AAK1: variants seen among roughly 807,000 people sequenced by gnomAD.
AAK1 encodes the protein AP2 associated kinase 1.
AAK1 carries 37 observed loss-of-function variants against 116.0 expected under a neutral mutation model. That is an observed-to-expected ratio of 0.32 (90% CI 0.25 to 0.42). AAK1 has a LOEUF of 0.42. AAK1 is among the 10% of genes least tolerant of loss of function. AAK1 has a pLI of 1.00. For missense variants in AAK1, 919 were observed against 1,170.6 expected, an observed-to-expected ratio of 0.79 and a Z score of 3.14; for synonymous variants, 458 against 439.9, an observed-to-expected ratio of 1.04 and a Z score of -0.51.
At chr2:69,482,905 A>G (rs1675150566) in intron 17 of AAK1, 93 bp from the exon 18 acceptor site, 1 of 730,720 alleles carries the variant, frequency 1.4e-6, no homozygotes. Context: ...AACACATTTT[A>G]GGGGTCAATA....
intron 12 of AAK1, among the ~76,000 whole-genome samples, chr2:69,515,775 CA>C (rs1385811712): frequency 6.6e-6 from 1 of 151,630 alleles, no homozygotes; most frequent in Admixed American, 6.6e-5. Flanking sequence ...TTATTAGAGT[CA>C]ATTGGGAGGA....
chr2:69,530,250 T>G, intron 7 of AAK1, 110 bp from the exon 8 acceptor site: 1 of 1,140,080 alleles, frequency 8.8e-7, no homozygotes. Context: ...ACAAAAACTA[T>G]AGACTATTAA....
chr2:69,490,119 A>G (rs1675462029), intron 17 of AAK1, among the ~76,000 whole-genome samples: 1 of 152,194 alleles, frequency 6.6e-6, no homozygotes, highest in South Asian at 2.1e-4. Flanking sequence ...CTGATGGGGC[A>G]ACGAATGTCT....
chr2:69,563,954 G>A (rs1235693803), intron 2 of AAK1, among the ~76,000 whole-genome samples: 1 of 152,102 alleles, frequency 6.6e-6, no homozygotes, highest in African/African-American at 2.4e-5. Context: ...AGCACTTTGG[G>A]AGGCCGAGGC....
Position 69,467,677 on chromosome 2 carries a change from T to C in AAK1, c.*8192A>G. On this transcript the variant is annotated 3_prime_UTR_variant, in exon 22 of 22. Coordinates refer to ENST00000409085, the MANE Select transcript of AAK1 (RefSeq NM_014911.5). ...ATGGAACTCAATGATCCCCTTCCCATACTGACCCTCTCCCCTCCTATGCAA... is the reference window on the plus strand; with the variant it reads ...ATGGAACTCAATGATCCCCTTCCCACACTGACCCTCTCCCCTCCTATGCAA... 1 of 985,414 alleles carries C rather than the reference T, an allele frequency of 1.0e-6. No homozygotes were observed. The highest frequency in any genetic ancestry group is 1.7e-5 in the African/African-American group (1 of 57,356). The allele number at this position is 985,414 out of a possible 1,614,324, so 61.0% of individuals were successfully genotyped here.
At chr2:69,617,349 G>A (rs1455179724) in intron 2 of AAK1, among the ~76,000 whole-genome samples, 1 of 152,232 alleles carries the variant, frequency 6.6e-6, no homozygotes, top group East Asian at 1.9e-4. Flanking sequence ...AGCTTGAGAG[G>A]AGAAATGGAT....
At chr2:69,568,790 CCA>C (rs1298195706) in intron 2 of AAK1, among the ~76,000 whole-genome samples, 4 of 152,184 alleles carry the variant, frequency 2.6e-5, no homozygotes, top group Non-Finnish European at 5.9e-5. Flanking sequence ...TAGCTCCCAA[CCA>C]TTAGTTACAG....
Position 69,465,446 on chromosome 2 carries a change from T to C in AAK1, c.*10423A>G, listed in dbSNP as rs1432530478. The stretch of plus-strand genomic sequence containing the variant: ...GCTCCTAGGGTTTCTTGCCTGATTT[T>C]GAAGGGAAGGGTGCTAGAGCAAATG... On this transcript the variant is annotated 3_prime_UTR_variant, in exon 22 of 22. Coordinates refer to ENST00000409085, the MANE Select transcript of AAK1 (RefSeq NM_014911.5). The C allele has an allele frequency of 1.2e-5, 16 of 1,288,970 alleles. No homozygotes were observed. The highest frequency in any genetic ancestry group is 1.5e-5 in the African/African-American group (1 of 65,782). 79.8% of individuals were successfully genotyped at this position (1,288,970 alleles called of 1,614,324 possible). A position where few individuals can be genotyped will look rare whatever the true frequency, so the allele number is the denominator to read the frequency against.
In AAK1 at chr2:69,567,965, G is replaced by C. The variant is rs952858195; in HGVS notation, c.164-10987C>G. 2.0e-5 allele frequency among the ~76,000 whole-genome samples: 3 copies of C among 152,196 alleles called. No individual in the cohort carries two copies. The South Asian group carries it at 6.2e-4, about 32-fold the overall frequency. Reference sequence around the variant, plus strand: ...AGCATCCCTTGCCTAAAGGAATGGAGAGCCTCTTGGGCATAAATTGTGCTC... The same window carrying C: ...AGCATCCCTTGCCTAAAGGAATGGACAGCCTCTTGGGCATAAATTGTGCTC... On this transcript the variant is annotated intron_variant, in intron 2 of 21. Transcript: ENST00000409085.
intron 2 of AAK1, among the ~76,000 whole-genome samples, chr2:69,557,327 G>A (rs1306664042): frequency 6.7e-6 from 1 of 149,512 alleles, no homozygotes; most frequent in Non-Finnish European, 1.5e-5. Flanking sequence ...TTTGAGACAG[G>A]GTTTCCCTCT....
At chr2:69,476,384 T>C (rs1008090412) in intron 21 of AAK1, among the ~76,000 whole-genome samples, 5 of 152,172 alleles carry the variant, frequency 3.3e-5, no homozygotes, top group African/African-American at 9.7e-5. Flanking sequence ...AATAAGAACA[T>C]GCTTTAAAAA....
chr2:69,475,351 T>C lies in AAK1; in HGVS notation c.*518A>G, dbSNP rs567084143. 2.6e-5 allele frequency: 26 copies of C among 986,922 alleles called. No homozygotes were observed. In the African/African-American group the frequency reaches 4.5e-4, roughly 17 times the overall value. The allele number at this position is 986,922 out of a possible 1,614,324, so 61.1% of individuals were successfully genotyped here. On this transcript the variant is annotated 3_prime_UTR_variant, in exon 22 of 22. Transcript: ENST00000409085. The stretch of plus-strand genomic sequence containing the variant: ...TACCCTTTCTTAAACCACACACCCA[T>C]CTCCAGGCTACTGCCTAGAGTTAAG...
chr2:69,507,891 G>C (rs189321730), intron 14 of AAK1, among the ~76,000 whole-genome samples: 1 of 152,196 alleles, frequency 6.6e-6, no homozygotes. Context: ...ATTTTTAGTA[G>C]AGACAAGGTT....
chr2:69,469,639 G>T lies in AAK1; in HGVS notation c.*6230C>A, dbSNP rs536118181. On this transcript the variant is annotated 3_prime_UTR_variant, in exon 22 of 22. Coordinates refer to ENST00000409085, the MANE Select transcript of AAK1 (RefSeq NM_014911.5). Reference sequence around the variant, plus strand: ...AAACACTGCCTGTTGTACCTCAGGGGCTAAAGCCCAGGGCCTGGCTTCATA... The same window carrying T: ...AAACACTGCCTGTTGTACCTCAGGGTCTAAAGCCCAGGGCCTGGCTTCATA... 1.1e-4 allele frequency: 112 copies of T among 985,440 alleles called. 1 individual carries two copies. The South Asian group carries it at 5.1e-3, about 45-fold the overall frequency. The allele number at this position is 985,440 out of a possible 1,614,324, so 61.0% of individuals were successfully genotyped here.
chr2:69,525,116 T>C lies in AAK1; in HGVS notation c.976-4A>G, dbSNP rs575688038. On this transcript the variant is annotated splice_region_variant and splice_polypyrimidine_tract_variant and intron_variant, in intron 9 of 21. Coordinates refer to ENST00000409085, the MANE Select transcript of AAK1 (RefSeq NM_014911.5). Reference sequence around the variant, plus strand: ...GCTTTGCAGGAATGGGAGAGTTCTATAGAATTGCAAACAAAACAGAACAAA... The same window carrying C: ...GCTTTGCAGGAATGGGAGAGTTCTACAGAATTGCAAACAAAACAGAACAAA... 4.3e-6 allele frequency: 7 copies of C among 1,613,730 alleles called. No homozygotes were observed. Among genetic ancestry groups the C allele is most frequent in the African/African-American group, 4.0e-5 (3 of 75,050 alleles).
rs781619920 is a variant in AAK1, at chr2:69,520,882, G to A, written c.1162C>T (p.Leu388=). The A allele has an allele frequency of 5.6e-6, 9 of 1,602,378 alleles. No individual in the cohort carries two copies. The highest frequency in any genetic ancestry group is 3.4e-5 in the South Asian group (3 of 89,256). ...ACAGTGGCCCTCTTCCGGGGTGTCA[G>A]CGCTGGCTGGATGGGAAGGATTCCT... ...NPGILPIQPA[L]TPRKRATVQP... is the part of the protein sequence containing the mutation. The change falls in exon 11 of 22, where the codon CTG becomes TTG. Residue 388 remains leucine (L), a synonymous_variant. Transcript: ENST00000409085.
Position 69,467,577 on chromosome 2 carries a change from G to A in AAK1, c.*8292C>T. On this transcript the variant is annotated 3_prime_UTR_variant, in exon 22 of 22. Transcript: ENST00000409085. ...GGCTCAGTAAAGAGATACTACTGGA[G>A]TTTCCCAACCCACCAGGATAAGAAT... 8.1e-6 allele frequency: 8 copies of A among 985,402 alleles called. No individual in the cohort carries two copies. Among genetic ancestry groups the A allele is most frequent in the Non-Finnish European group, 9.6e-6 (8 of 829,932 alleles). 61.0% of individuals were successfully genotyped at this position (985,402 alleles called of 1,614,324 possible).
rs200032522 is a variant in AAK1, at chr2:69,520,921, T to A, written c.1123A>T (p.Thr375Ser). ...GGAAGGATTCCTGGGTTCGGCTGAG[T>A]CTGCCCAGCTTTAGGCCTCTGGCGG... ...APRQRPKAGQ[T>S]QPNPGILPIQ... Residue 375 changes from threonine to serine, a missense_variant, in exon 11 of 22, where the codon ACT becomes TCT. Physicochemically the swap from Thr to Ser is moderately conservative, Grantham distance 58. Transcript: ENST00000409085. 6.0e-4 allele frequency: 967 copies of A among 1,612,248 alleles called. 5 individuals carry two copies. The highest frequency in any genetic ancestry group is 2.3e-4 in the South Asian group (21 of 90,954).
intron 16 of AAK1, among the ~76,000 whole-genome samples, chr2:69,500,858 A>T (rs1173203560): frequency 1.3e-5 from 2 of 151,768 alleles, no homozygotes; most frequent in Non-Finnish European, 2.9e-5. Flanking sequence ...GATGAAAACT[A>T]GGCATTAAAA....
Sources: gnomAD v4.1 joint callset for allele counts (sites outside exome capture counted in the v4.1 genomes callset) on GRCh38, gnomAD v4.1.1 for gene constraint, MANE v1.5 for transcripts, NCBI Gene and HGNC (gene_info 2026-07-23, HGNC 2026-07-21) for gene names.